The following MALRD1 variants were observed in gnomAD, a reference collection of about 807,000 sequenced individuals.
MALRD1 encodes the protein MAM and LDL receptor class A domain containing 1.
MALRD1 carries 247 observed loss-of-function variants against 242.1 expected under a neutral mutation model. That is an observed-to-expected ratio of 1.02 (90% CI 0.92 to 1.13). MALRD1 has a LOEUF of 1.13. MALRD1 is among the 50% of genes most tolerant of loss of function. The pLI is 0.00. For synonymous variants in MALRD1, 995 were observed against 866.6 expected (o/e 1.15, Z -2.60); for missense variants, 2,989 against 2,533.1 (o/e 1.18, Z -3.86).
chr10:19,334,262 C>A (rs1342324561), intron 24 of MALRD1, among the ~76,000 whole-genome samples: 1 of 150,054 alleles, frequency 6.7e-6, no homozygotes, highest in East Asian at 2.0e-4. Flanking sequence ...ATTCAGTTTC[C>A]TTGGTTTTCT....
At chr10:19,221,193 AT>A (rs1837541173) in intron 18 of MALRD1, among the ~76,000 whole-genome samples, 1 of 152,078 alleles carries the variant, frequency 6.6e-6, no homozygotes, top group Non-Finnish European at 1.5e-5. Flanking sequence ...ATGGTACATC[AT>A]TTTTTTAATA....
intron 31 of MALRD1, among the ~76,000 whole-genome samples, chr10:19,501,296 C>T (rs899488434): frequency 2.0e-5 from 3 of 152,142 alleles, no homozygotes; most frequent in African/African-American, 7.2e-5. Flanking sequence ...TTTAGCAGCA[C>T]TTGAGGCCTC....
chr10:19,433,705 A>T (rs1329671015), intron 28 of MALRD1, among the ~76,000 whole-genome samples: 1 of 152,196 alleles, frequency 6.6e-6, no homozygotes, highest in Non-Finnish European at 1.5e-5. Context: ...CATGGAGAAA[A>T]AAAAATGAAC....
intron 19 of MALRD1, among the ~76,000 whole-genome samples, chr10:19,277,386 A>T (rs1442702186): frequency 2.6e-5 from 4 of 152,174 alleles, no homozygotes; most frequent in Admixed American, 1.3e-4. Context: ...TCTCATGTAG[A>T]CTGAGCTCTA....
At chr10:19,369,339 A>G (rs1845264498) in intron 26 of MALRD1, among the ~76,000 whole-genome samples, 1 of 146,502 alleles carries the variant, frequency 6.8e-6, no homozygotes, top group African/African-American at 2.5e-5. Flanking sequence ...AATATAAAAT[A>G]TGTATATATT....
chr10:19,066,081 G>T (rs1354565413), intron 1 of MALRD1, among the ~76,000 whole-genome samples: 3 of 152,046 alleles, frequency 2.0e-5, no homozygotes, highest in South Asian at 2.1e-4. Flanking sequence ...TGATGTATTT[G>T]CATATAACCT....
At chr10:19,647,009 A>G (rs1304649198) in intron 36 of MALRD1, among the ~76,000 whole-genome samples, 7 of 152,184 alleles carry the variant, frequency 4.6e-5, no homozygotes. Context: ...AGATCACTTT[A>G]AAAAGCTGGA....
At position 19,204,913 on chromosome 10, in the gene MALRD1, C is replaced by G; in HGVS notation, c.2226C>G (p.Gly742=). 1 of 1,547,788 alleles carries G rather than the reference C, an allele frequency of 6.5e-7. No homozygotes were observed. Among genetic ancestry groups the G allele is most frequent in the Admixed American group, 2.0e-5 (1 of 50,856 alleles). Residue 742 remains glycine, a synonymous_variant, in exon 17 of 40, where the codon GGC becomes GGG. Transcript: ENST00000454679. ...CILSFWFYNY[G]LSVGAAELQL... is the part of the protein sequence containing the mutation. ...TCTTTTTTAGGTTCTATAACTATGG[C>G]CTGTCAGTGGGAGCAGCTGAGCTGC...
At chr10:19,699,017 G>T (rs1336613267) in intron 38 of MALRD1, among the ~76,000 whole-genome samples, 5 of 151,910 alleles carry the variant, frequency 3.3e-5, no homozygotes, top group Non-Finnish European at 5.9e-5. Flanking sequence ...ACAGGGAGGG[G>T]ATATCACACA....
chr10:19,178,332 C>T (rs1005590949), intron 14 of MALRD1, among the ~76,000 whole-genome samples: 1 of 152,116 alleles, frequency 6.6e-6, no homozygotes, highest in Admixed American at 6.5e-5. Flanking sequence ...TATAGGATCT[C>T]ATTTGTGGAG....
intron 34 of MALRD1, among the ~76,000 whole-genome samples, chr10:19,604,304 G>T (rs1473912178): frequency 6.6e-6 from 1 of 152,188 alleles, no homozygotes; most frequent in Non-Finnish European, 1.5e-5. Context: ...GACAAGAATA[G>T]ATTGATACCA....
Position 19,463,228 on chromosome 10 carries a change from G to A in MALRD1, c.5029+12738G>A, listed in dbSNP as rs151141367. Among the ~76,000 whole-genome samples, 825 of 151,862 alleles carry A rather than the reference G, an allele frequency of 5.4e-3. 13 individuals carry two copies. The highest frequency in any genetic ancestry group is 0.024 in the Admixed American group (361 of 15,234). On this transcript the variant is annotated intron_variant, in intron 29 of 39. Coordinates refer to ENST00000454679, the MANE Select transcript of MALRD1 (RefSeq NM_001142308.3). The stretch of plus-strand genomic sequence containing the variant: ...AGGTGGTGTTTGGTTACATGAGTAC[G>A]TTCTTTAGTGGTGATTTGAGAGATT...
intron 36 of MALRD1, among the ~76,000 whole-genome samples, chr10:19,646,564 C>T (rs1258797226): frequency 6.6e-6 from 1 of 151,868 alleles, no homozygotes; most frequent in Non-Finnish European, 1.5e-5. Flanking sequence ...GAAATCGCAC[C>T]ACTGCACTCC....
chr10:19,428,505 T>C (rs1833988737), intron 28 of MALRD1, among the ~76,000 whole-genome samples: 1 of 152,076 alleles, frequency 6.6e-6, no homozygotes, highest in African/African-American at 2.4e-5. Context: ...TGCCTCTTCT[T>C]TTCCTTCATA....
intron 38 of MALRD1, among the ~76,000 whole-genome samples, chr10:19,716,054 T>C (rs1834370886): frequency 6.6e-6 from 1 of 152,178 alleles, no homozygotes; most frequent in South Asian, 2.1e-4. Context: ...GGACAAAACA[T>C]CCAAATCATA....
chr10:19,222,886 G>T (rs1226862185), intron 18 of MALRD1, among the ~76,000 whole-genome samples: 3 of 152,112 alleles, frequency 2.0e-5, no homozygotes, highest in African/African-American at 7.2e-5. Context: ...AAAAGGTGTG[G>T]GGCCTCTTTG....
intron 21 of MALRD1, among the ~76,000 whole-genome samples, chr10:19,315,585 T>TATAAAAA (rs1187248291): frequency 1.7e-5 from 1 of 58,252 alleles, no homozygotes; most frequent in Non-Finnish European, 2.8e-5. Context: ...AAATTATAAA[T>TATAAAAA]TATAAATATT....
At chr10:19,467,408 A>AG (rs1290395864) in intron 29 of MALRD1, among the ~76,000 whole-genome samples, 3 of 150,350 alleles carry the variant, frequency 2.0e-5, no homozygotes, top group South Asian at 2.1e-4. Context: ...AAAAAAAAAA[A>AG]AAAAGAAAAA....
At chr10:19,401,390 C>T (rs1007283900) in intron 28 of MALRD1, among the ~76,000 whole-genome samples, 7 of 151,694 alleles carry the variant, frequency 4.6e-5, no homozygotes, top group Admixed American at 1.3e-4. Flanking sequence ...ATGTTATGTA[C>T]CAAATTATAT....
Sources: allele counts gnomAD v4.1 joint callset (sites outside exome capture counted in the v4.1 genomes callset), GRCh38; gene constraint gnomAD v4.1.1; transcripts MANE v1.5; gene names NCBI Gene and HGNC (gene_info 2026-07-23, HGNC 2026-07-21).